Variants in IQCK observed in about 807,000 individuals in gnomAD.
IQCK encodes IQ motif containing K.
IQCK carries 29 observed loss-of-function variants against 28.1 expected under a neutral mutation model. The observed-to-expected ratio is 1.03, with a 90% CI of 0.77 to 1.41. The LOEUF (loss-of-function observed/expected upper bound fraction) is 1.41. IQCK is among the 40% of genes most tolerant of loss of function. The probability of loss-of-function intolerance (pLI) is 0.00; values close to 1 mark genes in which losing one functional copy is unlikely to be tolerated. For synonymous variants in IQCK, 113 were observed against 115.1 expected, an observed-to-expected ratio of 0.98 and a Z score of 0.12; for missense variants, 359 against 314.7, an observed-to-expected ratio of 1.14 and a Z score of -1.07.
At chr16:19,853,243 C>T (rs2141126895) in intron 9 of IQCK, among the ~76,000 whole-genome samples, 1 of 152,212 alleles carries the variant, frequency 6.6e-6, no homozygotes, top group Non-Finnish European at 1.5e-5. Context: ...TCAGAAATCC[C>T]CAGGTAATTC....
chr16:19,736,757 C>T (rs1690303630), intron 4 of IQCK, among the ~76,000 whole-genome samples: 1 of 152,098 alleles, frequency 6.6e-6, no homozygotes, highest in African/African-American at 2.4e-5. Flanking sequence ...TTATTATCTG[C>T]ACTCTGCAGA....
At chr16:19,724,420 T>C (rs1977590807) in intron 1 of IQCK, among the ~76,000 whole-genome samples, 1 of 152,170 alleles carries the variant, frequency 6.6e-6, no homozygotes, top group African/African-American at 2.4e-5. Flanking sequence ...CCCACTATAG[T>C]ATATGCCTGT....
At position 19,812,443 on chromosome 16, in the gene IQCK, A is replaced by C. The variant is rs1441893584; in HGVS notation, c.691-14583A>C. Among the ~76,000 whole-genome samples, 2 of 152,220 alleles carry C rather than the reference A, an allele frequency of 1.3e-5. 1 individual carries two copies. Among genetic ancestry groups the C allele is most frequent in the Non-Finnish European group, 2.9e-5 (2 of 68,052 alleles). Reference sequence around the variant, plus strand: ...AATCTAGCCTACTGCCTGTTTTATAAAGTTTTGTTAAAATACAATATGCCT... The same window carrying C: ...AATCTAGCCTACTGCCTGTTTTATACAGTTTTGTTAAAATACAATATGCCT... On this transcript the variant is annotated intron_variant, in intron 7 of 7. Coordinates refer to ENST00000564186, the Ensembl canonical transcript of IQCK.
chr16:19,780,501 C>G (rs996354088), intron 6 of IQCK, among the ~76,000 whole-genome samples: 5 of 152,144 alleles, frequency 3.3e-5, no homozygotes, highest in Non-Finnish European at 2.9e-5. Flanking sequence ...CCTTAGTCTT[C>G]AGTCTCCAGC....
intron 7 of IQCK, among the ~76,000 whole-genome samples, chr16:19,807,365 G>T (rs1476276732): frequency 6.6e-6 from 1 of 152,234 alleles, no homozygotes; most frequent in African/African-American, 2.4e-5. Flanking sequence ...ACGCCTGGGG[G>T]ATGTTTGTTA....
chr16:19,751,884 G>T (rs752356747), intron 4 of IQCK, among the ~76,000 whole-genome samples: 3 of 152,070 alleles, frequency 2.0e-5, no homozygotes, highest in Non-Finnish European at 4.4e-5. Flanking sequence ...CTGATCTTCC[G>T]ATTATAGTTA....
chr16:19,754,163 AG>A (rs796896207), intron 4 of IQCK, among the ~76,000 whole-genome samples: 6 of 152,242 alleles, frequency 3.9e-5, no homozygotes, highest in African/African-American at 1.4e-4. Flanking sequence ...TACCCAGGTC[AG>A]GAGCTGCAGG....
downstream of IQCK, among the ~76,000 whole-genome samples, chr16:19,828,978 T>A (rs1329596511): frequency 1.4e-5 from 2 of 143,794 alleles, no homozygotes; most frequent in East Asian, 3.9e-4. Context: ...AAATATATAA[T>A]TATATATATA....
intron 9 of IQCK, among the ~76,000 whole-genome samples, chr16:19,832,827 GGAGA>G (rs554339160): frequency 1.7e-3 from 253 of 152,038 alleles, no homozygotes; most frequent in African/African-American, 5.8e-3. Flanking sequence ...TATGGCGGCA[GGAGA>G]GAGAGAGAGT....
At chr16:19,826,617 A>G (rs2056152795) in intron 7 of IQCK, among the ~76,000 whole-genome samples, 1 of 152,216 alleles carries the variant, frequency 6.6e-6, no homozygotes, top group South Asian at 2.1e-4. Flanking sequence ...ACCTCAGGTG[A>G]TCTGCCAGCC....
intron 1 of IQCK, among the ~76,000 whole-genome samples, chr16:19,720,803 G>A (rs1977468528): frequency 2.6e-5 from 4 of 152,196 alleles, no homozygotes; most frequent in Middle Eastern, 3.4e-3. Context: ...GATCACCTGC[G>A]GTCAGGAATT....
intron 7 of IQCK, among the ~76,000 whole-genome samples, chr16:19,812,861 T>C (rs901369367): frequency 3.0e-4 from 46 of 152,166 alleles, no homozygotes; most frequent in African/African-American, 9.4e-4. Context: ...AAATTCAGAT[T>C]TGAAAAAACT....
intron 6 of IQCK, among the ~76,000 whole-genome samples, chr16:19,780,811 G>A (rs2055471138): frequency 6.6e-6 from 1 of 152,162 alleles, no homozygotes; most frequent in Non-Finnish European, 1.5e-5. Flanking sequence ...TAATTGGCCT[G>A]CTATTAGCTC....
At chr16:19,735,261 G>C in intron 3 of IQCK, 92 bp from the exon 4 acceptor site, 2 of 846,024 alleles carry the variant, frequency 2.4e-6, no homozygotes, top group Non-Finnish European at 4.0e-6. Context: ...TGAATGGACA[G>C]TACCTTTTTC....
chr16:19,846,646 A>G, intron 9 of IQCK, among the ~76,000 whole-genome samples: 1 of 152,210 alleles, frequency 6.6e-6, no homozygotes, highest in South Asian at 2.1e-4. Flanking sequence ...TGTGGCTTCC[A>G]AGTTGGCTTA....
downstream of IQCK, among the ~76,000 whole-genome samples, chr16:19,828,811 A>G (rs1325307862): frequency 6.8e-6 from 1 of 148,022 alleles, no homozygotes; most frequent in Non-Finnish European, 1.5e-5. Context: ...AGATCGTGCT[A>G]CTGCACTTCA....
intron 1 of IQCK, among the ~76,000 whole-genome samples, chr16:19,720,927 G>A (rs1977473616): frequency 6.6e-6 from 1 of 152,006 alleles, no homozygotes; most frequent in South Asian, 2.1e-4. Flanking sequence ...CAGGAGAGTC[G>A]CTTGAACCTG....
chr16:19,803,181 C>CA (rs1160268599), intron 7 of IQCK, among the ~76,000 whole-genome samples: 1 of 152,084 alleles, frequency 6.6e-6, no homozygotes, highest in Non-Finnish European at 1.5e-5. Flanking sequence ...CTCACTCTGT[C>CA]ACCCAGGCTG....
intron 6 of IQCK, among the ~76,000 whole-genome samples, chr16:19,776,704 G>A (rs970956341): frequency 5.9e-5 from 9 of 152,174 alleles, no homozygotes; most frequent in African/African-American, 1.4e-4. Flanking sequence ...GCGAGCCTCC[G>A]TCTCAAAAAC....
Sources: allele counts gnomAD v4.1 joint callset (sites outside exome capture counted in the v4.1 genomes callset), GRCh38; gene constraint gnomAD v4.1.1; transcripts MANE v1.5; gene names NCBI Gene and HGNC (gene_info 2026-07-23, HGNC 2026-07-21).